Variants in SPICE1 observed in about 807,000 individuals in gnomAD.
The protein encoded by SPICE1 is spindle and centriole associated protein 1.
In SPICE1, 75 loss-of-function variants were observed where a neutral mutation model predicts 102.7. The observed-to-expected ratio is 0.73, with a 90% CI of 0.61 to 0.88. The LOEUF (loss-of-function observed/expected upper bound fraction) is 0.88. Among genes scored for constraint, SPICE1 ranks in the 40% least tolerant of loss-of-function variants. The probability of loss-of-function intolerance (pLI) is 0.00; values close to 1 mark genes in which losing one functional copy is unlikely to be tolerated. For missense variants in SPICE1, 979 were observed against 1,020.1 expected, an observed-to-expected ratio of 0.96 and a Z score of 0.55; for synonymous variants, 308 against 350.3, an observed-to-expected ratio of 0.88 and a Z score of 1.35.
chr3:113,490,453 G>A (rs906310844), intron 6 of SPICE1, among the ~76,000 whole-genome samples: 1 of 151,942 alleles, frequency 6.6e-6, no homozygotes, highest in Non-Finnish European at 1.5e-5. Context: ...ACCAGCTTGG[G>A]CAACGTGGCA....
intron 7 of SPICE1, among the ~76,000 whole-genome samples, chr3:113,484,374 C>A (rs940845720): frequency 2.4e-4 from 37 of 151,956 alleles, no homozygotes; most frequent in Non-Finnish European, 1.0e-4. Context: ...ATGTCTCTAT[C>A]CCCTTCAGTT....
At chr3:113,501,644 C>A (rs1447215124) in intron 3 of SPICE1, among the ~76,000 whole-genome samples, 2 of 151,938 alleles carry the variant, frequency 1.3e-5, no homozygotes, top group African/African-American at 2.4e-5. Flanking sequence ...GTAGAAATGG[C>A]CGAAAAGTAC....
intron 17 of SPICE1, among the ~76,000 whole-genome samples, chr3:113,446,343 A>C (rs868857658): frequency 6.6e-6 from 1 of 152,218 alleles, no homozygotes; most frequent in Non-Finnish European, 1.5e-5. Flanking sequence ...TGAAACCAGT[A>C]ATTTCCAGTC....
chr3:113,489,401 C>G (rs1379473943), intron 6 of SPICE1, among the ~76,000 whole-genome samples: 2 of 152,276 alleles, frequency 1.3e-5, no homozygotes, highest in East Asian at 3.9e-4. Flanking sequence ...TCCTCACTCA[C>G]CACCTATGCC....
chr3:113,473,802 G>C (rs189829951), intron 7 of SPICE1, among the ~76,000 whole-genome samples: 6,434 of 151,704 alleles, frequency 0.042, 158 homozygotes, highest in East Asian at 0.1. Flanking sequence ...AACATGGAAA[G>C]GAACAACCGG....
At position 113,488,996 on chromosome 3, in the gene SPICE1, T is replaced by A. The variant is rs201599681; in HGVS notation, c.560A>T (p.Glu187Val). The stretch of plus-strand genomic sequence containing the variant: ...GTTTAGAGAGTTATCCAACTCATTC[T>A]CATTCTCACTTTCTCCTGACTGGCT... ...VNSQSGESEN[E>V]NELDNSLNSQ... is the part of the protein sequence containing the mutation. The change falls in exon 7 of 18, where the codon GAG (glutamate) becomes GTG (valine). Residue 187 changes from glutamate to valine, a missense_variant. Glu to Val is a moderately radical substitution (Grantham distance 121). Coordinates refer to ENST00000295872, the MANE Select transcript of SPICE1 (RefSeq NM_144718.4). 1 of 1,613,750 alleles carries A rather than the reference T, an allele frequency of 6.2e-7. No homozygotes were observed. Among genetic ancestry groups the A allele is most frequent in the Non-Finnish European group, 8.5e-7 (1 of 1,179,736 alleles).
intron 1 of SPICE1, among the ~76,000 whole-genome samples, chr3:113,512,909 C>CAAGTAAACT (rs946506348): frequency 1.3e-5 from 2 of 152,122 alleles, no homozygotes; most frequent in African/African-American, 4.8e-5. Context: ...TACAAGTAAA[C>CAAGTAAACT]AAGTAAACTA....
chr3:113,473,929 C>G (rs1318756027), intron 7 of SPICE1, among the ~76,000 whole-genome samples: 1 of 152,006 alleles, frequency 6.6e-6, no homozygotes, highest in Non-Finnish European at 1.5e-5. Context: ...CAAATTCACA[C>G]TTAACAATAT....
At chr3:113,459,619 C>T in intron 12 of SPICE1, 1 of 984,658 alleles carries the variant, frequency 1.0e-6, no homozygotes, top group Non-Finnish European at 1.2e-6. Context: ...TGCGGTGGCT[C>T]ACGCCTGTAA....
At chr3:113,465,602 A>C in intron 11 of SPICE1, 51 bp downstream of exon 11, 3 of 1,544,842 alleles carry the variant, frequency 1.9e-6, no homozygotes, top group Non-Finnish European at 2.6e-6. Context: ...TACATGTTTA[A>C]AGATGTTTTA....
chr3:113,497,953 T>C (rs868590972), intron 4 of SPICE1, among the ~76,000 whole-genome samples: 10 of 151,644 alleles, frequency 6.6e-5, no homozygotes, highest in African/African-American at 2.2e-4. Flanking sequence ...CTCGGCTCAC[T>C]GCAACCTCCG....
At position 113,471,135 on chromosome 3, in the gene SPICE1, A is replaced by G. The variant is rs1400043192; in HGVS notation, c.612-1897T>C. Among the ~76,000 whole-genome samples the G allele has an allele frequency of 4.0e-5, 6 of 151,386 alleles. No homozygotes were observed. In the East Asian group the frequency reaches 1.2e-3, roughly 30 times the overall value. On this transcript the variant is annotated intron_variant, in intron 7 of 17. Coordinates refer to ENST00000295872, the MANE Select transcript of SPICE1 (RefSeq NM_144718.4). ...TGGGGCCCACTGGAAGGACCATGGT[A>G]GGCTAAATAATAATGCCTGAAGATA...
At chr3:113,511,775 A>G (rs751060386) in intron 1 of SPICE1, among the ~76,000 whole-genome samples, 1 of 152,184 alleles carries the variant, frequency 6.6e-6, no homozygotes, top group Non-Finnish European at 1.5e-5. Flanking sequence ...CTTGAAACAA[A>G]ATTTAAAAAT....
At chr3:113,478,896 C>G (rs766835034) in intron 7 of SPICE1, among the ~76,000 whole-genome samples, 14 of 151,996 alleles carry the variant, frequency 9.2e-5, no homozygotes, top group Non-Finnish European at 1.8e-4. Flanking sequence ...ACAAATCACA[C>G]TCTGAATGTA....
chr3:113,506,270 A>T (rs1269781760), intron 2 of SPICE1, among the ~76,000 whole-genome samples: 2 of 152,176 alleles, frequency 1.3e-5, no homozygotes, highest in Non-Finnish European at 2.9e-5. Context: ...TCCCCTTAGG[A>T]TTCCAATTCT....
At chr3:113,464,999 G>A (rs901271606) in intron 11 of SPICE1, among the ~76,000 whole-genome samples, 3 of 151,940 alleles carry the variant, frequency 2.0e-5, no homozygotes, top group Non-Finnish European at 4.4e-5. Context: ...CCAGCGACTT[G>A]GGAGGCTAAG....
chr3:113,498,952 A>AT (rs879629827), intron 4 of SPICE1: 24 of 151,808 alleles, frequency 1.6e-4, no homozygotes, highest in South Asian at 1.3e-3. Context: ...ATACAACATC[A>AT]TTTTTTTTTC....
intron 3 of SPICE1, among the ~76,000 whole-genome samples, chr3:113,500,517 A>G (rs1055501481): frequency 1.4e-5 from 2 of 146,104 alleles, no homozygotes; most frequent in African/African-American, 5.3e-5. Flanking sequence ...GGTTATGTTG[A>G]AAAAAAAAAG....
intron 12 of SPICE1, chr3:113,460,284 T>C (rs1285669895): frequency 3.1e-6 from 3 of 963,184 alleles, no homozygotes; most frequent in Non-Finnish European, 3.7e-6. Flanking sequence ...TGTCCAGTTC[T>C]GCTACTTTCT....
Sources: gnomAD v4.1 joint callset for allele counts (sites outside exome capture counted in the v4.1 genomes callset) on GRCh38, gnomAD v4.1.1 for gene constraint, MANE v1.5 for transcripts, NCBI Gene and HGNC (gene_info 2026-07-23, HGNC 2026-07-21) for gene names.